Variants in ITIH1 observed in about 807,000 individuals in gnomAD.
ITIH1 encodes inter-alpha-trypsin inhibitor heavy chain H1.
ITIH1 carries 94 observed loss-of-function variants against 104.6 expected under a neutral mutation model. The ratio of observed to expected loss-of-function variants is 0.90; its 90% CI spans 0.76 to 1.07. The LOEUF is 1.07. Among genes scored for constraint, ITIH1 ranks in the 50% least tolerant of loss-of-function variants. The pLI is 0.00. For synonymous variants in ITIH1, 455 were observed against 464.4 expected, an observed-to-expected ratio of 0.98 and a Z score of 0.26; for missense variants, 1,193 against 1,181.4, an observed-to-expected ratio of 1.01 and a Z score of -0.14.
At chr3:52,783,631 T>C (rs1341229028) in intron 10 of ITIH1, among the ~76,000 whole-genome samples, 2 of 152,164 alleles carry the variant, frequency 1.3e-5, no homozygotes, top group Non-Finnish European at 2.9e-5. Context: ...TTTAATGAAC[T>C]ATTTATTTAT....
intron 19 of ITIH1, chr3:52,790,488 G>C (rs1699324272): frequency 2.3e-6 from 1 of 427,672 alleles, no homozygotes; most frequent in East Asian, 5.1e-5. Flanking sequence ...TAACCTCTCT[G>C]AGCCTGGGAC....
In ITIH1 at chr3:52,779,362, G is replaced by T. The variant is rs1698980922; in HGVS notation, c.411-70G>T. On this transcript the variant is annotated intron_variant, in intron 4 of 21. Coordinates refer to ENST00000273283, the MANE Select transcript of ITIH1 (RefSeq NM_002215.4). This position sits in a 1 kb window ranked among gnomAD's most constrained non-coding sequence, Gnocchi z 4.4. ...GAGAAATAAATTCTGTGGGCCACAT[G>T]TTAGGTGACAAGGACCCAAATGTCA... 6.7e-7 allele frequency: 1 copy of T among 1,482,020 alleles called. No individual in the cohort carries two copies. The highest frequency in any genetic ancestry group is 9.4e-7 in the Non-Finnish European group (1 of 1,060,096). The allele number at this position is 1,482,020 out of a possible 1,614,324, so 91.8% of individuals were successfully genotyped here. A position where few individuals can be genotyped will look rare whatever the true frequency, so the allele number is the denominator to read the frequency against.
chr3:52,779,798 G>A lies in ITIH1; in HGVS notation c.573+204G>A, dbSNP rs1410012638. ...AACTTCCTCTTTATCTCTGAGCTTC[G>A]GTTTGCTCATCTGCTAGACGGGGGG... On this transcript the variant is annotated intron_variant, in intron 5 of 21. Transcript: ENST00000273283. This position sits in a 1 kb window ranked among gnomAD's most constrained non-coding sequence, Gnocchi z 4.4. 1.9e-5 allele frequency: 20 copies of A among 1,077,590 alleles called. No individual in the cohort carries two copies. Among genetic ancestry groups the A allele is most frequent in the South Asian group, 3.3e-5 (2 of 60,852 alleles). The allele number at this position is 1,077,590 out of a possible 1,614,324, so 66.8% of individuals were successfully genotyped here. A position where few individuals can be genotyped will look rare whatever the true frequency, so the allele number is the denominator to read the frequency against.
chr3:52,784,079 T>C (rs1239724090), intron 10 of ITIH1, among the ~76,000 whole-genome samples: 2 of 152,132 alleles, frequency 1.3e-5, no homozygotes, highest in Non-Finnish European at 2.9e-5. Context: ...CTGCTGGTGA[T>C]GGACCCACCT....
intron 12 of ITIH1, 62 bp downstream of exon 12, chr3:52,785,291 ACT>A: frequency 6.6e-7 from 1 of 1,523,088 alleles, no homozygotes; most frequent in Non-Finnish European, 9.0e-7. Context: ...CCAAACCCAC[ACT>A]GTTCCCCATT....
Position 52,782,248 on chromosome 3 carries a change from G to A in ITIH1, c.911G>A (p.Arg304Lys), listed in dbSNP as rs1257996293. 6.2e-7 allele frequency: 1 copy of A among 1,614,072 alleles called. No homozygotes were observed. The highest frequency in any genetic ancestry group is 8.5e-7 in the Non-Finnish European group (1 of 1,179,928). ...VFVIDISGSM[R>K]GQKVKQTKEA... is the part of the protein sequence containing the mutation. ...GTGATTGACATCAGTGGCTCCATGA[G>A]AGGCCAGAAAGTGAAGCAGGTAGGC... The change falls in exon 8 of 22, where the codon AGA (arginine) becomes AAA (lysine). Residue 304 changes from arginine (R) to lysine (K), a missense_variant. Physicochemically the swap from Arg to Lys is conservative, Grantham distance 26. Transcript: ENST00000273283.
At chr3:52,786,041 C>G (rs1046280125) in intron 12 of ITIH1, among the ~76,000 whole-genome samples, 1 of 152,170 alleles carries the variant, frequency 6.6e-6, no homozygotes, top group Non-Finnish European at 1.5e-5. Context: ...ATTGGCCTCC[C>G]CTAGAGAAAC....
chr3:52,780,788 A>G (rs1416641238), intron 6 of ITIH1, among the ~76,000 whole-genome samples: 2 of 152,248 alleles, frequency 1.3e-5, no homozygotes, highest in Non-Finnish European at 2.9e-5. Flanking sequence ...TCTTGGAAAC[A>G]TAAGTTTGGA....
chr3:52,789,194 A>G (rs1292357401), intron 18 of ITIH1, among the ~76,000 whole-genome samples: 2 of 152,196 alleles, frequency 1.3e-5, no homozygotes, highest in Non-Finnish European at 2.9e-5. Context: ...AGGGGAAGAC[A>G]AACAGGTGAA....
At chr3:52,781,301 CTG>C (rs1414734513) in intron 6 of ITIH1, among the ~76,000 whole-genome samples, 1 of 117,378 alleles carries the variant, frequency 8.5e-6, no homozygotes, top group East Asian at 2.5e-4. Flanking sequence ...TCTTCTTCTT[CTG>C]CTTCTTCTTC....
In ITIH1 at chr3:52,779,419, G is replaced by A. The variant is rs1385302610; in HGVS notation, c.411-13G>A. The A allele has an allele frequency of 3.7e-6, 6 of 1,614,178 alleles. No homozygotes were observed. The highest frequency in any genetic ancestry group is 5.1e-6 in the Non-Finnish European group (6 of 1,179,998). The stretch of plus-strand genomic sequence containing the variant: ...CTCTGTCTGTCTGCTGTTGCCTCTG[G>A]TGGCACATCCAGGGCCTCGGGGAGA... On this transcript the variant is annotated splice_polypyrimidine_tract_variant and intron_variant, in intron 4 of 21. Transcript: ENST00000273283. The surrounding 1 kb of genome is among the most constrained non-coding windows in gnomAD (Gnocchi z 4.4).
Position 52,791,968 on chromosome 3 carries a change from C to T in ITIH1, c.*57C>T, listed in dbSNP as rs937327863. 5.2e-6 allele frequency: 8 copies of T among 1,549,786 alleles called. No individual in the cohort carries two copies. The highest frequency in any genetic ancestry group is 3.8e-5 in the Admixed American group (2 of 53,154). On this transcript the variant is annotated 3_prime_UTR_variant, in exon 22 of 22. Coordinates refer to ENST00000273283, the MANE Select transcript of ITIH1 (RefSeq NM_002215.4). ...GGGCCAAGGCAGAGGAGGAGGACGA[C>T]ATCCTGACCTGCTGCTGAGGCTGTA...
At chr3:52,786,920 G>A (rs911655831) in intron 13 of ITIH1, 25 bp from the exon 14 acceptor site, 1 of 1,591,476 alleles carries the variant, frequency 6.3e-7, no homozygotes, top group South Asian at 1.1e-5. Flanking sequence ...TCGGGGCTTG[G>A]AGCCAGCCTC....
At chr3:52,787,426 C>T (rs991951373) in intron 15 of ITIH1, among the ~76,000 whole-genome samples, 166 bp from the exon 16 acceptor site, 1 of 152,178 alleles carries the variant, frequency 6.6e-6, no homozygotes, top group Non-Finnish European at 1.5e-5. Flanking sequence ...CCACTGGTCC[C>T]CTCTTGGTGT....
At chr3:52,786,166 C>A in intron 12 of ITIH1, 129 bp from the exon 13 acceptor site, 1 of 894,082 alleles carries the variant, frequency 1.1e-6, no homozygotes, top group Non-Finnish European at 1.7e-6. Context: ...CGAACAGGCT[C>A]AGGGAAGCAG....
At position 52,779,562 on chromosome 3, in the gene ITIH1, G is replaced by A. The variant is rs770875089; in HGVS notation, c.541G>A (p.Val181Ile). ...TATGCAGTATGAAATTGTCATCAAA[G>A]TCAAGCCCAAGCAGCTGGTGCATCA... ...NHMQYEIVIK[V>I]KPKQLVHHFE... The change falls in exon 5 of 22, where the codon GTC becomes ATC. Residue 181 changes from valine (V) to isoleucine (I), a missense_variant. Val to Ile is a conservative substitution (Grantham distance 29). Transcript: ENST00000273283. This position sits in a 1 kb window ranked among gnomAD's most constrained non-coding sequence, Gnocchi z 4.4. 4 of 1,614,200 alleles carry A rather than the reference G, an allele frequency of 2.5e-6. No homozygotes were observed. Among genetic ancestry groups the A allele is most frequent in the South Asian group, 2.2e-5 (2 of 91,078 alleles).
At chr3:52,778,673 G>A (rs1331099087) in intron 3 of ITIH1, 167 bp downstream of exon 3, 1 of 1,447,600 alleles carries the variant, frequency 6.9e-7, no homozygotes, top group African/African-American at 1.4e-5. Flanking sequence ...TTAGGTCTGT[G>A]CTTGGCTCCC....
chr3:52,789,607 C>A, intron 18 of ITIH1, 46 bp from the exon 19 acceptor site: 1 of 1,550,392 alleles, frequency 6.4e-7, no homozygotes, highest in Non-Finnish European at 8.9e-7. Flanking sequence ...TAAGCAAAGG[C>A]AGGCAGGCCC....
chr3:52,791,982 G>A lies in ITIH1; in HGVS notation c.*71G>A. On this transcript the variant is annotated 3_prime_UTR_variant, in exon 22 of 22. Coordinates refer to ENST00000273283, the MANE Select transcript of ITIH1 (RefSeq NM_002215.4). ...GAGGAGGACGACATCCTGACCTGCT[G>A]CTGAGGCTGTACCTCCTTGACTAAG... The A allele has an allele frequency of 6.6e-7, 1 of 1,514,656 alleles. No individual in the cohort carries two copies. The highest frequency in any genetic ancestry group is 9.0e-7 in the Non-Finnish European group (1 of 1,116,048). The allele number at this position is 1,514,656 out of a possible 1,614,324, so 93.8% of individuals were successfully genotyped here.
Sources: allele counts gnomAD v4.1 joint callset (sites outside exome capture counted in the v4.1 genomes callset), GRCh38; gene constraint gnomAD v4.1.1; non-coding constraint Gnocchi (gnomAD v3.1); transcripts MANE v1.5; gene names NCBI Gene and HGNC (gene_info 2026-07-23, HGNC 2026-07-21).